Variants in CAMKMT observed in about 807,000 individuals in gnomAD.
CAMKMT encodes calmodulin-lysine N-methyltransferase, also known as CaM KMT.
In CAMKMT, 53 loss-of-function variants were observed where a neutral mutation model predicts 48.0. The ratio of observed to expected loss-of-function variants is 1.10; its 90% CI spans 0.89 to 1.39. The LOEUF (loss-of-function observed/expected upper bound fraction) is 1.39. Among genes scored for constraint, CAMKMT ranks in the 40% most tolerant of loss-of-function variants. The probability of loss-of-function intolerance (pLI) is 0.00; values close to 1 mark genes in which losing one functional copy is unlikely to be tolerated. For missense variants in CAMKMT, 428 were observed against 402.7 expected, an observed-to-expected ratio of 1.06 and a Z score of -0.54; for synonymous variants, 165 against 152.3, an observed-to-expected ratio of 1.08 and a Z score of -0.61.
intron 3 of CAMKMT, among the ~76,000 whole-genome samples, chr2:44,672,004 A>G (rs1271404680): frequency 6.6e-6 from 1 of 152,152 alleles, no homozygotes; most frequent in African/African-American, 2.4e-5. Flanking sequence ...GCGATTATAG[A>G]AAATCATGCC....
intron 3 of CAMKMT, among the ~76,000 whole-genome samples, chr2:44,692,503 C>T (rs186786926): frequency 6.6e-6 from 1 of 152,212 alleles, no homozygotes; most frequent in Non-Finnish European, 1.5e-5. Flanking sequence ...AATGATCTTA[C>T]TTGTGTCTAT....
At chr2:44,579,042 G>C (rs530027682) in intron 3 of CAMKMT, among the ~76,000 whole-genome samples, 1 of 152,306 alleles carries the variant, frequency 6.6e-6, no homozygotes, top group East Asian at 1.9e-4. Context: ...ATTTCAAGAA[G>C]TAGGTTGAAG....
At chr2:44,582,080 A>G (rs957427153) in intron 3 of CAMKMT, among the ~76,000 whole-genome samples, 1 of 152,248 alleles carries the variant, frequency 6.6e-6, no homozygotes, top group African/African-American at 2.4e-5. Context: ...TTATGTTACC[A>G]TGTCCTATTT....
chr2:44,759,412 G>A (rs1680516308), intron 9 of CAMKMT, among the ~76,000 whole-genome samples: 2 of 152,132 alleles, frequency 1.3e-5, no homozygotes, highest in Non-Finnish European at 2.9e-5. Flanking sequence ...GAGCCACTAT[G>A]CCCAGCCAAG....
At chr2:44,708,282 G>T (rs1427898971) in intron 6 of CAMKMT, among the ~76,000 whole-genome samples, 1 of 104,556 alleles carries the variant, frequency 9.6e-6, no homozygotes, top group African/African-American at 3.7e-5. Context: ...CTACTTATTT[G>T]AATTTTAAGC....
chr2:44,543,856 T>C (rs575175494), intron 3 of CAMKMT, among the ~76,000 whole-genome samples: 1 of 152,318 alleles, frequency 6.6e-6, no homozygotes, highest in South Asian at 2.1e-4. Context: ...CTATTTAACT[T>C]TCATTGTCTG....
chr2:44,679,939 T>C (rs1218133263), intron 3 of CAMKMT, among the ~76,000 whole-genome samples: 1 of 152,238 alleles, frequency 6.6e-6, no homozygotes, highest in African/African-American at 2.4e-5. Context: ...TTCTAAAAAT[T>C]TGAAGGACTT....
intron 3 of CAMKMT, among the ~76,000 whole-genome samples, chr2:44,433,560 A>G (rs1065785): frequency 0.66 from 99,919 of 151,924 alleles, 32,907 homozygotes; most frequent in South Asian, 0.74. Flanking sequence ...TGCTTAGTCT[A>G]AATTAAAAAA....
chr2:44,391,977 A>T (rs988904131), intron 3 of CAMKMT: 1 of 152,586 alleles, frequency 6.6e-6, no homozygotes, highest in Non-Finnish European at 1.5e-5. Flanking sequence ...TATGAACCTC[A>T]ACTGTTTTCA....
intron 3 of CAMKMT, among the ~76,000 whole-genome samples, chr2:44,486,762 G>A (rs1290494037): frequency 6.6e-6 from 1 of 152,202 alleles, no homozygotes; most frequent in Non-Finnish European, 1.5e-5. Context: ...TTCCTTCTAT[G>A]TTCCCACAAA....
intron 3 of CAMKMT, among the ~76,000 whole-genome samples, chr2:44,494,187 C>T (rs1171271727): frequency 6.6e-6 from 1 of 152,082 alleles, no homozygotes; most frequent in Non-Finnish European, 1.5e-5. Flanking sequence ...ATACAGAAAC[C>T]CTCGCTCAAA....
intron 3 of CAMKMT, among the ~76,000 whole-genome samples, chr2:44,698,147 G>T (rs1677060704): frequency 1.3e-5 from 2 of 152,336 alleles, no homozygotes; most frequent in African/African-American, 4.8e-5. Flanking sequence ...AATTCATCCA[G>T]TGGTAGTTAG....
intron 3 of CAMKMT, among the ~76,000 whole-genome samples, chr2:44,524,937 A>G (rs1181230169): frequency 1.3e-5 from 2 of 151,136 alleles, no homozygotes; most frequent in African/African-American, 4.9e-5. Context: ...TGAGCAGTTT[A>G]AGAGCCTCTC....
rs1416733313 is a variant in CAMKMT at position 44,675,089 on chromosome 2, A to AGGG, written c.377-29194_377-29193insGGG. ...ATTTACCAACCTTAAGGGGGGGAAA[A>AGGG]AAAAAAAGGCAAGCCAGCAAATGAT... On this transcript the variant is annotated intron_variant, in intron 3 of 10. Transcript: ENST00000378494. 1.8e-3 allele frequency among the ~76,000 whole-genome samples: 268 copies of AGGG among 149,558 alleles called. 1 individual carries two copies. The highest frequency in any genetic ancestry group is 2.3e-3 in the African/African-American group (95 of 40,508).
At chr2:44,551,373 T>G (rs998834028) in intron 3 of CAMKMT, among the ~76,000 whole-genome samples, 3 of 152,188 alleles carry the variant, frequency 2.0e-5, no homozygotes, top group Non-Finnish European at 4.4e-5. Context: ...TTGGAAGGAT[T>G]GGAAGTTCTA....
chr2:44,551,173 A>G (rs1040807716), intron 3 of CAMKMT, among the ~76,000 whole-genome samples: 1 of 152,198 alleles, frequency 6.6e-6, no homozygotes, highest in Admixed American at 6.5e-5. Context: ...CCACATCTGC[A>G]AGATCTTTAT....
chr2:44,740,576 A>G (rs1679622567), intron 7 of CAMKMT, among the ~76,000 whole-genome samples: 1 of 152,164 alleles, frequency 6.6e-6, no homozygotes, highest in Non-Finnish European at 1.5e-5. Flanking sequence ...GACAAAGGAA[A>G]TGTAAGTATA....
chr2:44,553,646 A>G (rs1255586667), intron 3 of CAMKMT, among the ~76,000 whole-genome samples: 1 of 152,146 alleles, frequency 6.6e-6, no homozygotes, highest in Non-Finnish European at 1.5e-5. Context: ...CAGTTGTGAG[A>G]CACCGTACTT....
At chr2:44,453,152 T>C (rs149989179) in intron 3 of CAMKMT, among the ~76,000 whole-genome samples, 27 of 152,152 alleles carry the variant, frequency 1.8e-4, no homozygotes, top group African/African-American at 6.5e-4. Flanking sequence ...CCTTGTGTTG[T>C]AATTCAATCA....
Sources: allele counts gnomAD v4.1 joint callset (sites outside exome capture counted in the v4.1 genomes callset), GRCh38; gene constraint gnomAD v4.1.1; transcripts MANE v1.5; gene names NCBI Gene and HGNC (gene_info 2026-07-23, HGNC 2026-07-21).